The following LRFN5 variants were observed in gnomAD, a reference collection of about 807,000 sequenced individuals.
The protein encoded by LRFN5 is leucine rich repeat and fibronectin type III domain containing 5.
A neutral mutation model predicts 45.6 loss-of-function variants in LRFN5; 24 were observed. That is an observed-to-expected ratio of 0.53 (90% CI 0.38 to 0.74). The LOEUF (loss-of-function observed/expected upper bound fraction) is 0.74, where lower values mean the gene tolerates loss of function less well. LRFN5 is among the 30% of genes least tolerant of loss of function. LRFN5 has a pLI of 0.00. For synonymous variants in LRFN5, 340 were observed against 313.8 expected, an observed-to-expected ratio of 1.08 and a Z score of -0.88; for missense variants, 776 against 861.5, an observed-to-expected ratio of 0.90 and a Z score of 1.24.
intron 1 of LRFN5, among the ~76,000 whole-genome samples, chr14:41,635,102 G>A (rs1879240332): frequency 6.6e-6 from 1 of 151,956 alleles, no homozygotes; most frequent in Non-Finnish European, 1.5e-5. Flanking sequence ...TAAAAGAACA[G>A]CATGTTGATA....
intron 1 of LRFN5, among the ~76,000 whole-genome samples, chr14:41,756,367 C>A (rs111525577): frequency 0.052 from 7,920 of 151,816 alleles, no homozygotes; most frequent in East Asian, 0.18. Flanking sequence ...GGTTTTCCAA[C>A]TTGGTTCCAT....
chr14:41,744,722 C>G (rs1386516191), intron 1 of LRFN5, among the ~76,000 whole-genome samples: 1 of 151,908 alleles, frequency 6.6e-6, no homozygotes, highest in Admixed American at 6.6e-5. Flanking sequence ...TAAATATTAA[C>G]AAGAATAAAG....
chr14:41,890,524 A>G lies in LRFN5; in HGVS notation c.1386-726A>G, dbSNP rs978369662. On this transcript the variant is annotated intron_variant, in intron 3 of 5. Coordinates refer to ENST00000298119, the MANE Select transcript of LRFN5 (RefSeq NM_152447.5). Reference sequence around the variant, plus strand: ...AGATCGAGACCATCCTGGCTAACACAGTGAAACCCCGCCTCTACTAAAAAT... The same window carrying G: ...AGATCGAGACCATCCTGGCTAACACGGTGAAACCCCGCCTCTACTAAAAAT... 7.9e-5 allele frequency among the ~76,000 whole-genome samples: 12 copies of G among 151,414 alleles called. No individual in the cohort carries two copies. In the East Asian group the frequency reaches 9.9e-4, roughly 12 times the overall value.
intron 2 of LRFN5, among the ~76,000 whole-genome samples, chr14:41,861,981 G>T (rs1889680267): frequency 6.6e-6 from 1 of 152,040 alleles, no homozygotes; most frequent in African/African-American, 2.4e-5. Flanking sequence ...CGGGCGGTTT[G>T]TTCCATGCTG....
intron 2 of LRFN5, among the ~76,000 whole-genome samples, chr14:41,807,279 T>C (rs1219882773): frequency 6.6e-6 from 1 of 152,124 alleles, no homozygotes; most frequent in Non-Finnish European, 1.5e-5. Context: ...AAAACTTTTT[T>C]TTTAGCTCAA....
At chr14:41,874,797 T>C (rs1378297056) in intron 2 of LRFN5, among the ~76,000 whole-genome samples, 1 of 152,206 alleles carries the variant, frequency 6.6e-6, no homozygotes, top group Non-Finnish European at 1.5e-5. Flanking sequence ...ACTCACAGTT[T>C]AGCGGGGCTG....
intron 1 of LRFN5, among the ~76,000 whole-genome samples, chr14:41,752,345 C>A (rs1279473514): frequency 6.6e-6 from 1 of 152,212 alleles, no homozygotes; most frequent in Non-Finnish European, 1.5e-5. Flanking sequence ...GCCACACTGA[C>A]TTCCACAATG....
At chr14:41,766,406 A>G (rs750779363) in intron 1 of LRFN5, among the ~76,000 whole-genome samples, 24 of 152,180 alleles carry the variant, frequency 1.6e-4, no homozygotes, top group Non-Finnish European at 3.4e-4. Context: ...TATACGGGAA[A>G]AACAACATAA....
In LRFN5 at chr14:41,886,917, C is replaced by T. The variant is rs1890593453; in HGVS notation, c.292C>T (p.Leu98=). 1 of 1,614,186 alleles carries T rather than the reference C, an allele frequency of 6.2e-7. No homozygotes were observed. Among genetic ancestry groups the T allele is most frequent in the South Asian group, 1.1e-5 (1 of 91,082 alleles). ...TATTACACCTCATGCTTTCGCTGACCTACGAAATTTGAGGGCTTTGCATTT... is the reference window on the plus strand; with the variant it reads ...TATTACACCTCATGCTTTCGCTGACTTACGAAATTTGAGGGCTTTGCATTT... ...SFITPHAFAD[L]RNLRALHLNS... Residue 98 remains leucine (L), a synonymous_variant, in exon 3 of 6, where the codon CTA becomes TTA. Coordinates refer to ENST00000298119, the MANE Select transcript of LRFN5 (RefSeq NM_152447.5).
chr14:41,738,164 C>T (rs534031730), intron 1 of LRFN5, among the ~76,000 whole-genome samples: 1 of 152,112 alleles, frequency 6.6e-6, no homozygotes, highest in Non-Finnish European at 1.5e-5. Flanking sequence ...ACCAATGGAA[C>T]AAAACAGAAG....
At chr14:41,752,487 G>A (rs1885178916) in intron 1 of LRFN5, among the ~76,000 whole-genome samples, 1 of 152,098 alleles carries the variant, frequency 6.6e-6, no homozygotes, top group Non-Finnish European at 1.5e-5. Context: ...TCTCATTGTG[G>A]TTTTGATTTG....
At chr14:41,671,721 A>G (rs1881244226) in intron 1 of LRFN5, among the ~76,000 whole-genome samples, 2 of 144,156 alleles carry the variant, frequency 1.4e-5, no homozygotes, top group Admixed American at 7.3e-5. Flanking sequence ...GGTTCAAGCT[A>G]TTCTCCTGCC....
chr14:41,859,138 G>T (rs1418598911), intron 2 of LRFN5, among the ~76,000 whole-genome samples: 1 of 152,110 alleles, frequency 6.6e-6, no homozygotes, highest in Non-Finnish European at 1.5e-5. Flanking sequence ...AGCTACCTTT[G>T]TCAGGTGAAC....
chr14:41,691,640 G>C (rs1370653066), intron 1 of LRFN5, among the ~76,000 whole-genome samples: 1 of 151,928 alleles, frequency 6.6e-6, no homozygotes, highest in Non-Finnish European at 1.5e-5. Flanking sequence ...AAAATACATA[G>C]ATCTTAAATG....
chr14:41,681,620 G>A (rs1307077529), intron 1 of LRFN5, among the ~76,000 whole-genome samples: 2 of 151,786 alleles, frequency 1.3e-5, no homozygotes. Flanking sequence ...AATAACAAAA[G>A]GGTCCTACCA....
intron 2 of LRFN5, among the ~76,000 whole-genome samples, chr14:41,839,376 G>T (rs1888779219): frequency 6.6e-6 from 1 of 151,724 alleles, no homozygotes. Context: ...AAACATTGTT[G>T]GTATTCAGAA....
At chr14:41,902,738 G>A (rs1418514272) in intron 5 of LRFN5, among the ~76,000 whole-genome samples, 1 of 151,538 alleles carries the variant, frequency 6.6e-6, no homozygotes, top group Non-Finnish European at 1.5e-5. Context: ...TTTCCTTCTA[G>A]GTGTACTGCA....
At chr14:41,639,949 A>ATTTTTTTTTTTTTTTTTTTTTTTTTTTTT (rs34020254) in intron 1 of LRFN5, among the ~76,000 whole-genome samples, 2 of 68,036 alleles carry the variant, frequency 2.9e-5, no homozygotes, top group Non-Finnish European at 5.3e-5. Flanking sequence ...TGACTGGCTA[A>ATTTTTTTTTTTTTTTTTTTTTTTTTTTTT]TTTTTTTTTT....
intron 1 of LRFN5, among the ~76,000 whole-genome samples, chr14:41,702,677 C>T (rs1882887375): frequency 6.6e-6 from 1 of 151,684 alleles, no homozygotes; most frequent in Non-Finnish European, 1.5e-5. Context: ...GTTGCACAGG[C>T]TGATCCTGAA....
Sources: gnomAD v4.1 joint callset for allele counts (sites outside exome capture counted in the v4.1 genomes callset) on GRCh38, gnomAD v4.1.1 for gene constraint, MANE v1.5 for transcripts, NCBI Gene and HGNC (gene_info 2026-07-23, HGNC 2026-07-21) for gene names.